Variants in GPHN observed in about 807,000 individuals in gnomAD.
GPHN encodes gephyrin.
In GPHN, 17 loss-of-function variants were observed where a neutral mutation model predicts 95.5. The observed-to-expected ratio is 0.18, with a 90% CI of 0.12 to 0.27. The LOEUF (loss-of-function observed/expected upper bound fraction) is 0.27. Among genes scored for constraint, GPHN ranks in the 10% least tolerant of loss-of-function variants. GPHN has a pLI of 1.00. For missense variants in GPHN, 660 were observed against 978.1 expected (o/e 0.67, Z 4.34); for synonymous variants, 320 against 322.5 (o/e 0.99, Z 0.08).
chr14:67,153,572 A>C (rs1055110029), intron 18 of GPHN, among the ~76,000 whole-genome samples: 2 of 152,164 alleles, frequency 1.3e-5, no homozygotes, highest in African/African-American at 4.8e-5. Context: ...CAACATATGA[A>C]TTTGGGGGTG....
chr14:66,774,414 G>GA (rs936656951), intron 2 of GPHN, among the ~76,000 whole-genome samples: 29 of 151,498 alleles, frequency 1.9e-4, no homozygotes, highest in Non-Finnish European at 1.5e-5. Flanking sequence ...AATGCAATTA[G>GA]AAAAAAAAAT....
At chr14:67,422,918 G>A in the GPHN span, among the ~76,000 whole-genome samples, 9 of 143,722 alleles carry the variant, frequency 6.3e-5, no homozygotes, top group African/African-American at 1.0e-4. Context: ...TGCAACCTCC[G>A]CCTCCCAGGT....
intron 18 of GPHN, among the ~76,000 whole-genome samples, chr14:67,152,704 C>T (rs1041830876): frequency 6.6e-6 from 1 of 152,196 alleles, no homozygotes; most frequent in African/African-American, 2.4e-5. Flanking sequence ...CGGTGGCTCA[C>T]ACCTGTAATC....
At chr14:67,260,771 C>T in the GPHN span, among the ~76,000 whole-genome samples, 1 of 152,088 alleles carries the variant, frequency 6.6e-6, no homozygotes, top group Non-Finnish European at 1.5e-5. Context: ...TAAGAGTTGA[C>T]TATTAAATTA....
At chr14:66,820,361 A>G (rs2061142195) in intron 3 of GPHN, among the ~76,000 whole-genome samples, 1 of 152,180 alleles carries the variant, frequency 6.6e-6, no homozygotes, top group Admixed American at 6.5e-5. Context: ...GCAAGAAACC[A>G]GAGACAACAT....
chr14:66,835,259 G>A (rs1319151413), intron 4 of GPHN, among the ~76,000 whole-genome samples: 1 of 146,102 alleles, frequency 6.8e-6, no homozygotes. Flanking sequence ...ATTTCCTTCA[G>A]TTCTGCTCTG....
intron 17 of GPHN, among the ~76,000 whole-genome samples, chr14:67,126,576 T>A (rs527953334): frequency 6.6e-6 from 1 of 152,194 alleles, no homozygotes; most frequent in Non-Finnish European, 1.5e-5. Context: ...ATAAGACAGG[T>A]AAATTGAGTA....
intron 2 of GPHN, among the ~76,000 whole-genome samples, chr14:66,695,328 A>T (rs1323077416): frequency 6.6e-6 from 1 of 152,202 alleles, no homozygotes; most frequent in Admixed American, 6.5e-5. Flanking sequence ...AACAACAGTG[A>T]AATATTACTA....
intron 3 of GPHN, among the ~76,000 whole-genome samples, chr14:66,792,009 A>T (rs1376151828): frequency 6.6e-6 from 1 of 152,206 alleles, no homozygotes; most frequent in Non-Finnish European, 1.5e-5. Flanking sequence ...ACTCCCATTT[A>T]TAAAACCATC....
At chr14:66,746,446 G>A (rs531868591) in intron 2 of GPHN, among the ~76,000 whole-genome samples, 2 of 152,078 alleles carry the variant, frequency 1.3e-5, no homozygotes, top group African/African-American at 2.4e-5. Context: ...CAAGACTTTG[G>A]TGTGCAATTT....
At chr14:66,634,424 T>A (rs1174362703) in intron 1 of GPHN, among the ~76,000 whole-genome samples, 1 of 152,128 alleles carries the variant, frequency 6.6e-6, no homozygotes, top group Non-Finnish European at 1.5e-5. Flanking sequence ...CAGTTGTTTG[T>A]GGAGATTGTG....
At chr14:66,885,822 A>G (rs1239571850) in intron 5 of GPHN, among the ~76,000 whole-genome samples, 1 of 146,124 alleles carries the variant, frequency 6.8e-6, no homozygotes, top group Non-Finnish European at 1.5e-5. Flanking sequence ...CTTACACAGA[A>G]CACTTTATAA....
At chr14:66,675,610 TTAGTTTGGTA>T (rs2066543330) in intron 1 of GPHN, among the ~76,000 whole-genome samples, 1 of 152,224 alleles carries the variant, frequency 6.6e-6, no homozygotes, top group Non-Finnish European at 1.5e-5. Flanking sequence ...CAGAAGCTTT[TTAGTTTGGTA>T]TAGTTCCGTT....
At chr14:67,732,429 CAAA>C in the GPHN span, among the ~76,000 whole-genome samples, 25 of 126,470 alleles carry the variant, frequency 2.0e-4, no homozygotes, top group Non-Finnish European at 1.8e-4. Context: ...GACCCTATCT[CAAA>C]AAAAAAAAAA....
At chr14:66,616,694 G>C (rs1595252859) in intron 1 of GPHN, among the ~76,000 whole-genome samples, 1 of 152,062 alleles carries the variant, frequency 6.6e-6, no homozygotes, top group South Asian at 2.1e-4. Flanking sequence ...ACCCAGTTAG[G>C]GGCATGGGGA....
At chr14:67,023,576 A>G (rs1230616585) in intron 9 of GPHN, 57 bp from the exon 10 acceptor site, 32 of 1,381,592 alleles carry the variant, frequency 2.3e-5, no homozygotes, top group Non-Finnish European at 3.1e-5. Context: ...TTAAATATGC[A>G]TATCTGCCTA....
In GPHN at chr14:66,545,725, C is replaced by T. The variant is rs1346256341; in HGVS notation, c.64+37134C>T. On this transcript the variant is annotated intron_variant, in intron 1 of 22. Transcript: ENST00000478722. ...TCACCTCCCGGACGGGGTGGCTGGC[C>T]GGGCGGGGGGCTGACCCCCCCACCT... Among the ~76,000 whole-genome samples the T allele has an allele frequency of 9.6e-3, 1,304 of 136,070 alleles. 14 individuals carry two copies. The highest frequency in any genetic ancestry group is 0.013 in the Non-Finnish European group (815 of 63,024). 89.3% of individuals were successfully genotyped at this position (136,070 alleles called of 152,430 possible). A position where few individuals can be genotyped will look rare whatever the true frequency, so the allele number is the denominator to read the frequency against.
rs76137799 is a variant in GPHN, at chr14:66,610,441, G to A, written c.65-70666G>A. The stretch of plus-strand genomic sequence containing the variant: ...TGTCTATGTTGCCTTTGAACTCTTG[G>A]TGTTTCCTCTCTGAAGATTTGTTCA... On this transcript the variant is annotated intron_variant, in intron 1 of 22. Coordinates refer to ENST00000478722, the MANE Select transcript of GPHN (RefSeq NM_020806.5). 3.1e-3 allele frequency among the ~76,000 whole-genome samples: 473 copies of A among 151,882 alleles called. 2 individuals are homozygous for A. Among genetic ancestry groups the A allele is most frequent in the African/African-American group, 0.011 (448 of 41,428 alleles).
At chr14:66,729,894 A>G (rs2071613511) in intron 2 of GPHN, among the ~76,000 whole-genome samples, 1 of 152,210 alleles carries the variant, frequency 6.6e-6, no homozygotes. Flanking sequence ...AAATTTTTTC[A>G]GTTACACTAG....
Sources: gnomAD v4.1 joint callset for allele counts (sites outside exome capture counted in the v4.1 genomes callset) on GRCh38, gnomAD v4.1.1 for gene constraint, MANE v1.5 for transcripts, NCBI Gene and HGNC (gene_info 2026-07-23, HGNC 2026-07-21) for gene names.